The following KLF17 variants were observed in gnomAD, a reference collection of about 807,000 sequenced individuals.
KLF17 encodes the protein KLF transcription factor 17, also known as Krueppel-like factor 17.
KLF17 carries 31 observed loss-of-function variants against 34.2 expected under a neutral mutation model. The observed-to-expected ratio is 0.91, with a 90% CI of 0.68 to 1.22. The LOEUF is 1.22. KLF17 is among the 50% of genes most tolerant of loss of function. The pLI, the probability that KLF17 is intolerant of heterozygous loss-of-function variation, is 0.00. For missense variants in KLF17, 478 were observed against 505.2 expected (o/e 0.95, Z 0.52); for synonymous variants, 179 against 186.7 (o/e 0.96, Z 0.34).
At chr1:44,096,156 G>T in the KLF17 span, among the ~76,000 whole-genome samples, 1 of 151,930 alleles carries the variant, frequency 6.6e-6, no homozygotes, top group African/African-American at 2.4e-5. Context: ...TGCCCAGGCT[G>T]GTCCCAAACT....
the KLF17 span, chr1:44,076,906 T>C: frequency 6.6e-6 from 1 of 150,964 alleles, no homozygotes; most frequent in South Asian, 2.1e-4. Context: ...TTTTTTTTTT[T>C]TTTTTTTTCC....
the KLF17 span, among the ~76,000 whole-genome samples, chr1:44,087,546 G>A: frequency 6.0e-5 from 9 of 151,062 alleles, no homozygotes; most frequent in East Asian, 1.9e-4. Context: ...TTATAGGTGC[G>A]AGCCACCACA....
chr1:44,128,174 TG>T (rs2088051221), intron 1 of KLF17, among the ~76,000 whole-genome samples: 3 of 152,144 alleles, frequency 2.0e-5, no homozygotes, highest in Admixed American at 1.3e-4. Flanking sequence ...CTCTGGCTCC[TG>T]GACTCAAGTG....
chr1:44,091,266 G>A, the KLF17 span, among the ~76,000 whole-genome samples: 1 of 151,880 alleles, frequency 6.6e-6, no homozygotes, highest in African/African-American at 2.4e-5. Context: ...TTACAAATCT[G>A]TTAATATCTG....
the KLF17 span, among the ~76,000 whole-genome samples, chr1:44,082,202 G>A: frequency 0.024 from 3,697 of 152,230 alleles, 174 homozygotes; most frequent in African/African-American, 0.085. Flanking sequence ...GATGAAATAA[G>A]TCCCAGTAAA....
At chr1:44,127,832 G>A (rs190831645) in intron 1 of KLF17, among the ~76,000 whole-genome samples, 71 of 63,460 alleles carry the variant, frequency 1.1e-3, no homozygotes, top group African/African-American at 4.1e-3. Flanking sequence ...TTGTTGTTAC[G>A]TTTTCCCTTG....
chr1:44,052,903 ATT>A, the KLF17 span, among the ~76,000 whole-genome samples: 10 of 140,746 alleles, frequency 7.1e-5, no homozygotes, highest in Admixed American at 7.2e-5. Context: ...CCTAGGCAGG[ATT>A]TTTTTTTTTT....
At chr1:44,080,480 T>C in the KLF17 span, among the ~76,000 whole-genome samples, 2,022 of 150,326 alleles carry the variant, frequency 0.013, 49 homozygotes, top group African/African-American at 0.046. Context: ...CCTCGTGATA[T>C]GCCCGCCTTG....
At chr1:44,090,304 T>A in the KLF17 span, among the ~76,000 whole-genome samples, 1 of 8,748 alleles carries the variant, frequency 1.1e-4, no homozygotes, top group African/African-American at 6.0e-4. Flanking sequence ...ATCTTGTCTC[T>A]ACAAAAAAAA....
At chr1:44,068,585 T>G in the KLF17 span, among the ~76,000 whole-genome samples, 87 of 152,340 alleles carry the variant, frequency 5.7e-4, no homozygotes, top group Non-Finnish European at 1.1e-3. Flanking sequence ...ATGTGTTATC[T>G]GATTCATTAG....
the KLF17 span, chr1:44,103,815 G>T: frequency 1.2e-6 from 1 of 828,286 alleles, no homozygotes; most frequent in Non-Finnish European, 2.1e-6. Flanking sequence ...GAGGCACTCA[G>T]TCTCAGCCTG....
upstream of KLF17, among the ~76,000 whole-genome samples, chr1:44,118,006 C>T (rs1399902428): frequency 3.9e-5 from 6 of 152,176 alleles, no homozygotes; most frequent in African/African-American, 1.4e-4. Context: ...TGTCACTGTC[C>T]ATGTGGTATC....
intron 3 of KLF17, among the ~76,000 whole-genome samples, chr1:44,131,897 G>A (rs1159961596): frequency 2.0e-5 from 3 of 152,092 alleles, no homozygotes; most frequent in African/African-American, 7.2e-5. Flanking sequence ...GTTTCACCAT[G>A]TTGGCCAGAC....
At chr1:44,117,189 A>T (rs1360190869), upstream of KLF17, 2 of 151,874 alleles carry the variant, frequency 1.3e-5, no homozygotes, top group African/African-American at 4.8e-5. Flanking sequence ...AGGAGTTTTG[A>T]CCTACTCTAT....
At chr1:44,082,142 C>T in the KLF17 span, among the ~76,000 whole-genome samples, 1 of 152,132 alleles carries the variant, frequency 6.6e-6, no homozygotes, top group East Asian at 1.9e-4. Flanking sequence ...CCCATAATCA[C>T]ATAAGCCAGA....
At chr1:44,081,200 T>G in the KLF17 span, among the ~76,000 whole-genome samples, 1 of 142,466 alleles carries the variant, frequency 7.0e-6, no homozygotes, top group African/African-American at 2.6e-5. Context: ...CACTCCAGCC[T>G]GGGTAACAGA....
the KLF17 span, among the ~76,000 whole-genome samples, chr1:44,069,377 C>T: frequency 6.6e-6 from 1 of 151,980 alleles, no homozygotes; most frequent in Non-Finnish European, 1.5e-5. This position sits in a 1 kb window ranked among gnomAD's most constrained non-coding sequence, Gnocchi z 4.7. Flanking sequence ...GCTTATGGTT[C>T]TGCAGGCTGT....
At chr1:44,119,503 G>GAT (rs1211544440) in intron 1 of KLF17, among the ~76,000 whole-genome samples, 1 of 151,998 alleles carries the variant, frequency 6.6e-6, no homozygotes, top group Non-Finnish European at 1.5e-5. Flanking sequence ...CCATGAAACA[G>GAT]ATATATATAA....
At chr1:44,097,645 G>T in the KLF17 span, among the ~76,000 whole-genome samples, 1 of 152,014 alleles carries the variant, frequency 6.6e-6, no homozygotes, top group Non-Finnish European at 1.5e-5. Flanking sequence ...GTATATTCTA[G>T]TACTATGCTG....
Sources: allele counts gnomAD v4.1 joint callset (sites outside exome capture counted in the v4.1 genomes callset), GRCh38; gene constraint gnomAD v4.1.1; non-coding constraint Gnocchi (gnomAD v3.1); transcripts MANE v1.5; gene names NCBI Gene and HGNC (gene_info 2026-07-23, HGNC 2026-07-21).